The following STON2 variants were observed in gnomAD, a reference collection of about 807,000 sequenced individuals.
STON2 encodes the protein stonin 2.
In STON2, 29 loss-of-function variants were observed where a neutral mutation model predicts 65.7. The ratio of observed to expected loss-of-function variants is 0.44; its 90% CI spans 0.33 to 0.60. STON2 has a LOEUF of 0.60. Ranked by LOEUF, STON2 falls within the 20% of genes least tolerant of loss-of-function variation. The pLI is 0.03. For missense variants in STON2, 1,054 were observed against 1,118.1 expected (o/e 0.94, Z 0.82); for synonymous variants, 404 against 414.2 (o/e 0.98, Z 0.30).
intron 3 of STON2, 148 bp from the exon 4 acceptor site, chr14:81,371,333 T>A: frequency 1.4e-6 from 1 of 715,906 alleles, no homozygotes; most frequent in Non-Finnish European, 2.3e-6. Flanking sequence ...AGAGTATCAC[T>A]CATGACACAG....
intron 3 of STON2, among the ~76,000 whole-genome samples, chr14:81,391,581 G>C (rs1900080325): frequency 6.6e-6 from 1 of 152,168 alleles, no homozygotes; most frequent in South Asian, 2.1e-4. Flanking sequence ...AGGTTAGTTT[G>C]GGTAATAGGA....
At chr14:81,281,402 C>A (rs1388195593) in intron 5 of STON2, among the ~76,000 whole-genome samples, 1 of 152,156 alleles carries the variant, frequency 6.6e-6, no homozygotes, top group Admixed American at 6.5e-5. Context: ...GAAAGGGGTA[C>A]ATCTCAAAAC....
intron 1 of STON2, among the ~76,000 whole-genome samples, chr14:81,435,448 A>G (rs569574767): frequency 6.6e-6 from 1 of 152,272 alleles, no homozygotes; most frequent in South Asian, 2.1e-4. Flanking sequence ...TATAATCCTC[A>G]AAACAACGCT....
At chr14:81,286,041 A>T (rs547974361) in intron 5 of STON2, among the ~76,000 whole-genome samples, 3 of 152,060 alleles carry the variant, frequency 2.0e-5, no homozygotes, top group Non-Finnish European at 4.4e-5. Flanking sequence ...CCAGCCACTC[A>T]TGAGGCTGAG....
intron 4 of STON2, among the ~76,000 whole-genome samples, chr14:81,352,073 T>C (rs1004443280): frequency 2.0e-5 from 3 of 152,186 alleles, no homozygotes; most frequent in African/African-American, 7.2e-5. Flanking sequence ...ACTAACTTCA[T>C]GAGTTTCTGA....
At chr14:81,397,398 C>T (rs1900378917) in intron 2 of STON2, among the ~76,000 whole-genome samples, 1 of 152,080 alleles carries the variant, frequency 6.6e-6, no homozygotes, top group African/African-American at 2.4e-5. Context: ...TTTATAATTT[C>T]AACATGTAAG....
intron 5 of STON2, among the ~76,000 whole-genome samples, chr14:81,305,574 G>A (rs901435423): frequency 6.6e-6 from 1 of 152,058 alleles, no homozygotes; most frequent in Non-Finnish European, 1.5e-5. Flanking sequence ...TTGATCTATA[G>A]AAGTTTTTTT....
chr14:81,423,607 T>G (rs1293503597), intron 2 of STON2, among the ~76,000 whole-genome samples: 2 of 152,166 alleles, frequency 1.3e-5, no homozygotes, highest in East Asian at 3.8e-4. Flanking sequence ...CGTCCTTCCC[T>G]TTTCTGAGAA....
chr14:81,265,257 TTATTA>T lies in STON2; in HGVS notation c.*3152_*3156del. The stretch of plus-strand genomic sequence containing the variant: ...TCATTACGTCTAAAAATATATAGTA[TTATTA>T]TCCCCAAACCCCTAAATGCTACCCA... On this transcript the variant is annotated 3_prime_UTR_variant, in exon 8 of 8. Coordinates refer to ENST00000614646, the MANE Select transcript of STON2 (RefSeq NM_001394390.1). 2 of 983,962 alleles carry T rather than the reference TTATTA, an allele frequency of 2.0e-6. No homozygotes were observed. The highest frequency in any genetic ancestry group is 2.4e-6 in the Non-Finnish European group (2 of 828,640). 61.0% of individuals were successfully genotyped at this position (983,962 alleles called of 1,614,324 possible).
intron 4 of STON2, among the ~76,000 whole-genome samples, chr14:81,358,366 G>A (rs186509184): frequency 3.3e-5 from 5 of 152,132 alleles, no homozygotes; most frequent in African/African-American, 7.2e-5. Context: ...GATGTTCTAC[G>A]TAAGCCTCTT....
intron 6 of STON2, among the ~76,000 whole-genome samples, chr14:81,276,126 G>C (rs1595276120): frequency 6.6e-6 from 1 of 152,190 alleles, no homozygotes; most frequent in East Asian, 1.9e-4. Context: ...GTGCTGGTTT[G>C]ACTGCTCCCT....
intron 5 of STON2, chr14:81,306,762 AAAG>A (rs1180060856): frequency 2.0e-5 from 3 of 152,202 alleles, no homozygotes; most frequent in African/African-American, 7.2e-5. Flanking sequence ...TTAGGGAAAT[AAAG>A]AAGAGGAAAT....
chr14:81,370,957 C>T, intron 4 of STON2, 31 bp downstream of exon 4: 1 of 1,601,548 alleles, frequency 6.2e-7, no homozygotes. Context: ...AAGTGATTTG[C>T]AAAGCCCTCT....
chr14:81,339,001 G>A (rs1042897939), intron 4 of STON2, among the ~76,000 whole-genome samples: 1 of 152,156 alleles, frequency 6.6e-6, no homozygotes, highest in Non-Finnish European at 1.5e-5. Context: ...AGCAAAGAGT[G>A]TGTGTAGGGA....
intron 4 of STON2, among the ~76,000 whole-genome samples, chr14:81,333,704 G>T (rs1897283543): frequency 6.6e-6 from 1 of 152,132 alleles, no homozygotes; most frequent in South Asian, 2.1e-4. Context: ...TGGGATACTG[G>T]CAAGTTACCC....
In STON2 at chr14:81,270,695, T is replaced by C. The variant is rs376277450; in HGVS notation, c.2759A>G (p.Asn920Ser). The change falls in exon 7 of 8, where the codon AAT becomes AGT. Residue 920 changes from asparagine (N) to serine (S), a missense_variant. Asn to Ser is a conservative substitution (Grantham distance 46, BLOSUM62 1). Coordinates refer to ENST00000614646, the MANE Select transcript of STON2 (RefSeq NM_001394390.1). ...CTGGTAGCTGTAGTGTGCAGAATAA[T>C]TGACCCACTTCCTGACGTCAGTCTT... is the stretch of plus-strand genomic sequence containing the variant. ...EDKTDVRKWV[N>S]YSAHYSYQVE... 1.4e-5 allele frequency: 22 copies of C among 1,614,054 alleles called. No individual in the cohort carries two copies. The highest frequency in any genetic ancestry group is 1.1e-4 in the African/African-American group (8 of 74,920).
rs1358128032 is a variant in STON2 at position 81,373,827 on chromosome 14, A to G, written c.374-2642T>C. Among the ~76,000 whole-genome samples, 4 of 151,726 alleles carry G rather than the reference A, an allele frequency of 2.6e-5. 1 individual carries two copies. In the East Asian group the frequency reaches 5.8e-4, roughly 22 times the overall value. ...AATTGTCTGCCTTAGGATTGCATGA[A>G]GAGTAGAGGAAAAAATATCTCCTGA... On this transcript the variant is annotated intron_variant, in intron 3 of 7. Coordinates refer to ENST00000614646, the MANE Select transcript of STON2 (RefSeq NM_001394390.1).
At chr14:81,408,363 T>C (rs948433158) in intron 2 of STON2, among the ~76,000 whole-genome samples, 1 of 152,178 alleles carries the variant, frequency 6.6e-6, no homozygotes, top group Non-Finnish European at 1.5e-5. Context: ...AATGAACACC[T>C]CAGCCTCAAG....
chr14:81,299,021 T>G (rs1398571164), intron 5 of STON2, among the ~76,000 whole-genome samples: 1 of 152,190 alleles, frequency 6.6e-6, no homozygotes, highest in Admixed American at 6.5e-5. Flanking sequence ...GACATCTGTT[T>G]TGTTAAGAAG....
Sources: allele counts gnomAD v4.1 joint callset (sites outside exome capture counted in the v4.1 genomes callset), GRCh38; gene constraint gnomAD v4.1.1; transcripts MANE v1.5; gene names NCBI Gene and HGNC (gene_info 2026-07-23, HGNC 2026-07-21).